RPTOR: variants seen among roughly 807,000 people sequenced by gnomAD.
RPTOR encodes the protein regulatory-associated protein of mTOR.
RPTOR carries 21 observed loss-of-function variants against 169.9 expected under a neutral mutation model. That is an observed-to-expected ratio of 0.12 (90% CI 0.09 to 0.18). The LOEUF is 0.18. RPTOR is among the 10% of genes least tolerant of loss of function. The probability of loss-of-function intolerance (pLI) is 1.00; values close to 1 mark genes in which losing one functional copy is unlikely to be tolerated. For missense variants in RPTOR, 1,133 were observed against 1,855.9 expected, an observed-to-expected ratio of 0.61 and a Z score of 7.16; for synonymous variants, 732 against 753.2, an observed-to-expected ratio of 0.97 and a Z score of 0.46.
chr17:80,946,273 A>G (rs1202185404), intron 26 of RPTOR, among the ~76,000 whole-genome samples: 24 of 152,152 alleles, frequency 1.6e-4, no homozygotes, highest in Admixed American at 1.5e-3. Flanking sequence ...GAGTTTATAA[A>G]ATCTCTGTGG....
chr17:80,579,434 C>T (rs577019399), intron 1 of RPTOR, among the ~76,000 whole-genome samples: 10 of 152,298 alleles, frequency 6.6e-5, no homozygotes, highest in East Asian at 3.9e-4. Context: ...TCAGGTGATC[C>T]GCCTGCCTCA....
chr17:80,719,099 TC>T (rs2066263217), intron 4 of RPTOR, among the ~76,000 whole-genome samples: 1 of 152,036 alleles, frequency 6.6e-6, no homozygotes, highest in Non-Finnish European at 1.5e-5. Context: ...AGGCCGGAGG[TC>T]CATGAGTATG....
chr17:80,946,590 T>C (rs1303502728), intron 26 of RPTOR, among the ~76,000 whole-genome samples: 1 of 152,254 alleles, frequency 6.6e-6, no homozygotes, highest in Non-Finnish European at 1.5e-5. Flanking sequence ...TGGCCCTTTG[T>C]GCCTGGCTTA....
At chr17:80,832,326 G>C (rs1193063788) in intron 9 of RPTOR, among the ~76,000 whole-genome samples, 1 of 152,206 alleles carries the variant, frequency 6.6e-6, no homozygotes, top group Middle Eastern at 3.2e-3. Flanking sequence ...GCTCGTGCTG[G>C]CCACTGGAGC....
At chr17:80,743,736 G>GTTA (rs2066511471) in intron 5 of RPTOR, among the ~76,000 whole-genome samples, 1 of 139,660 alleles carries the variant, frequency 7.2e-6, no homozygotes, top group Non-Finnish European at 1.6e-5. Flanking sequence ...CACAGCCCTG[G>GTTA]CTACTAGCAG....
rs376206234 is a variant in RPTOR, at chr17:80,721,214, G to C, written c.508-9346G>C. Among the ~76,000 whole-genome samples, 5 of 151,234 alleles carry C rather than the reference G, an allele frequency of 3.3e-5. No individual in the cohort carries two copies. The East Asian group carries it at 7.7e-4, about 23-fold the overall frequency. On this transcript the variant is annotated intron_variant, in intron 4 of 33. Transcript: ENST00000306801. This position sits in a 1 kb window ranked among gnomAD's most constrained non-coding sequence, Gnocchi z 4.7. The stretch of plus-strand genomic sequence containing the variant: ...GGTGACACCGTGGGGAGCAGGTGAT[G>C]TGGTTCCAGTGCTCTGTCATCCTGG...
At position 80,884,044 on chromosome 17, in the gene RPTOR, G is replaced by A. The variant is rs548372211; in HGVS notation, c.1842+72G>A. On this transcript the variant is annotated intron_variant, in intron 16 of 33. Transcript: ENST00000306801. Reference sequence around the variant, plus strand: ...GCGGGGGTAAGGCAGAGGTCTGCTCGCGTGCGGGTGTGGCCGGCCACGTGT... The same window carrying A: ...GCGGGGGTAAGGCAGAGGTCTGCTCACGTGCGGGTGTGGCCGGCCACGTGT... 71 of 1,492,110 alleles carry A rather than the reference G, an allele frequency of 4.8e-5. No individual in the cohort carries two copies. In the Admixed American group the frequency reaches 6.6e-4, roughly 14 times the overall value. The allele number at this position is 1,492,110 out of a possible 1,614,324, so 92.4% of individuals were successfully genotyped here.
intron 7 of RPTOR, among the ~76,000 whole-genome samples, chr17:80,812,500 T>C (rs2143579937): frequency 6.6e-6 from 1 of 152,172 alleles, no homozygotes; most frequent in East Asian, 1.9e-4. Flanking sequence ...CCAGATCTGC[T>C]TCTCCTTGGC....
Position 80,922,680 on chromosome 17 carries a change from G to A in RPTOR, c.2521-44G>A, listed in dbSNP as rs191623336. 2.5e-5 allele frequency: 37 copies of A among 1,478,194 alleles called. No individual in the cohort carries two copies. In the Admixed American group the frequency reaches 6.2e-4, roughly 25 times the overall value. The allele number at this position is 1,478,194 out of a possible 1,614,324, so 91.6% of individuals were successfully genotyped here. ...TGCTTCGTGTGGCGGCCTCCGCGGAGCACGTCCCGTCTGACCTTCACACCC... is the reference window on the plus strand; with the variant it reads ...TGCTTCGTGTGGCGGCCTCCGCGGAACACGTCCCGTCTGACCTTCACACCC... On this transcript the variant is annotated intron_variant, in intron 21 of 33. Transcript: ENST00000306801.
At chr17:80,570,036 G>A (rs575350918) in intron 1 of RPTOR, among the ~76,000 whole-genome samples, 13 of 151,984 alleles carry the variant, frequency 8.6e-5, no homozygotes, top group Admixed American at 7.2e-4. Flanking sequence ...TGCCTCCTCC[G>A]TGTGGCTGTC....
At chr17:80,799,472 C>G (rs2067133931) in intron 7 of RPTOR, among the ~76,000 whole-genome samples, 1 of 152,168 alleles carries the variant, frequency 6.6e-6, no homozygotes, top group Non-Finnish European at 1.5e-5. Flanking sequence ...GTCTGAAGAC[C>G]TAGTTTAGCT....
At chr17:80,950,252 G>A (rs578249666) in intron 28 of RPTOR, among the ~76,000 whole-genome samples, 6 of 152,332 alleles carry the variant, frequency 3.9e-5, no homozygotes, top group South Asian at 2.1e-4. Flanking sequence ...GAGTGAACGC[G>A]TTACCCCGCC....
At position 80,593,322 on chromosome 17, in the gene RPTOR, C is replaced by T. The variant is rs545563865; in HGVS notation, c.163-32369C>T. Reference sequence around the variant, plus strand: ...TCTGAGGCCTGTTCTGATGAGACCGCGGCGGCCATGCTGGGTGTGTTTGAT... The same window carrying T: ...TCTGAGGCCTGTTCTGATGAGACCGTGGCGGCCATGCTGGGTGTGTTTGAT... On this transcript the variant is annotated intron_variant, in intron 1 of 33. Transcript: ENST00000306801. 1.7e-4 allele frequency: 26 copies of T among 154,976 alleles called. No individual in the cohort carries two copies. The Middle Eastern group carries it at 8.8e-3, about 53-fold the overall frequency. The allele number at this position is 154,976 out of a possible 1,614,324, so 9.6% of individuals were successfully genotyped here.
At position 80,633,330 on chromosome 17, in the gene RPTOR, G is replaced by T. The variant is rs1465998187; in HGVS notation, c.265+7537G>T. Among the ~76,000 whole-genome samples the T allele has an allele frequency of 6.6e-6, 1 of 152,208 alleles. No homozygotes were observed. The highest frequency in any genetic ancestry group is 6.5e-5 in the Admixed American group (1 of 15,286). The stretch of plus-strand genomic sequence containing the variant: ...CCACGTAAGCGTCCGCTGCATGCAG[G>T]TTTGCCAGTGTCCCAGGAATGTCCT... On this transcript the variant is annotated intron_variant, in intron 2 of 33. Coordinates refer to ENST00000306801, the MANE Select transcript of RPTOR (RefSeq NM_020761.3). The surrounding 1 kb of genome is among the most constrained non-coding windows in gnomAD (Gnocchi z 4.1).
chr17:80,788,062 T>C (rs957976381), intron 6 of RPTOR, among the ~76,000 whole-genome samples: 5 of 152,352 alleles, frequency 3.3e-5, no homozygotes, highest in African/African-American at 1.2e-4. Flanking sequence ...AGTCTTTTTG[T>C]GACAAGTCTT....
At position 80,817,425 on chromosome 17, in the gene RPTOR, G is replaced by A. The variant is rs542509009; in HGVS notation, c.891-4776G>A. 3.3e-5 allele frequency among the ~76,000 whole-genome samples: 5 copies of A among 152,152 alleles called. No homozygotes were observed. In the East Asian group the frequency reaches 7.8e-4, roughly 24 times the overall value. On this transcript the variant is annotated intron_variant, in intron 7 of 33. Coordinates refer to ENST00000306801, the MANE Select transcript of RPTOR (RefSeq NM_020761.3). Reference sequence around the variant, plus strand: ...CCCCATGGGGAGGAGATCATGTGTTGCGTCTCCTGAGTGCAGACGGAGCTG... The same window carrying A: ...CCCCATGGGGAGGAGATCATGTGTTACGTCTCCTGAGTGCAGACGGAGCTG...
intron 3 of RPTOR, among the ~76,000 whole-genome samples, chr17:80,667,338 G>A (rs148194524): frequency 1.8e-4 from 27 of 152,286 alleles, no homozygotes; most frequent in African/African-American, 6.3e-4. Flanking sequence ...GGCAAAGTGT[G>A]AGCAGACATT....
At chr17:80,674,289 G>A (rs189876624) in intron 3 of RPTOR, among the ~76,000 whole-genome samples, 1 of 152,152 alleles carries the variant, frequency 6.6e-6, no homozygotes, top group African/African-American at 2.4e-5. Context: ...TACGTGCATA[G>A]TTTTTTTTCT....
chr17:80,913,962 G>A (rs985482502), intron 21 of RPTOR, among the ~76,000 whole-genome samples: 5 of 152,338 alleles, frequency 3.3e-5, no homozygotes, highest in Non-Finnish European at 5.9e-5. Context: ...ATGAGAAAAC[G>A]TGTGAGCATA....
Sources: gnomAD v4.1 joint callset for allele counts (sites outside exome capture counted in the v4.1 genomes callset) on GRCh38, gnomAD v4.1.1 for gene constraint, Gnocchi (gnomAD v3.1) non-coding constraint, MANE v1.5 for transcripts, NCBI Gene and HGNC (gene_info 2026-07-23, HGNC 2026-07-21) for gene names.